The following CCDC91 variants were observed in gnomAD, a reference collection of about 807,000 sequenced individuals.
CCDC91 encodes coiled-coil domain containing 91, also known as coiled-coil domain-containing protein 91.
In CCDC91, 48 loss-of-function variants were observed where a neutral mutation model predicts 63.2. That is an observed-to-expected ratio of 0.76 (90% CI 0.60 to 0.97). The LOEUF (loss-of-function observed/expected upper bound fraction) is 0.97. Among genes scored for constraint, CCDC91 ranks in the 50% least tolerant of loss-of-function variants. The pLI is 0.00. For synonymous variants in CCDC91, 167 were observed against 165.8 expected, an observed-to-expected ratio of 1.01 and a Z score of -0.06; for missense variants, 500 against 494.6, an observed-to-expected ratio of 1.01 and a Z score of -0.10.
intron 1 of CCDC91, among the ~76,000 whole-genome samples, chr12:28,205,088 C>T (rs1049021002): frequency 9.2e-5 from 14 of 151,996 alleles, no homozygotes; most frequent in African/African-American, 1.5e-4. Flanking sequence ...GTTAATGACT[C>T]GGCTAGTCTT....
intron 12 of CCDC91, among the ~76,000 whole-genome samples, chr12:28,494,272 C>A (rs1472272636): frequency 6.6e-6 from 1 of 151,608 alleles, no homozygotes; most frequent in African/African-American, 2.4e-5. Context: ...ACAAGGAAGC[C>A]TCCTTTTTTT....
intron 1 of CCDC91, among the ~76,000 whole-genome samples, chr12:28,250,372 G>C (rs1275794393): frequency 1.3e-5 from 2 of 152,006 alleles, no homozygotes; most frequent in East Asian, 3.8e-4. Flanking sequence ...TGCTTTCTTT[G>C]GACTTGTAAT....
At chr12:28,461,095 GGTAA>G (rs946322829) in intron 11 of CCDC91, among the ~76,000 whole-genome samples, 19 of 151,900 alleles carry the variant, frequency 1.3e-4, no homozygotes, top group South Asian at 2.1e-4. Flanking sequence ...GTAACACAAT[GGTAA>G]GTGTGTATCT....
intron 3 of CCDC91, among the ~76,000 whole-genome samples, chr12:28,261,810 A>G (rs1291618684): frequency 1.3e-5 from 2 of 151,886 alleles, no homozygotes; most frequent in Non-Finnish European, 1.5e-5. Flanking sequence ...CTGGAATTAA[A>G]GGACAAATCA....
intron 8 of CCDC91, among the ~76,000 whole-genome samples, chr12:28,400,032 G>A (rs1392253888): frequency 6.6e-6 from 1 of 152,200 alleles, no homozygotes. Context: ...AGGGGACTGT[G>A]TGTGGGGGCT....
chr12:28,463,971 G>A (rs935539595), intron 11 of CCDC91, among the ~76,000 whole-genome samples: 2 of 152,048 alleles, frequency 1.3e-5, no homozygotes, highest in African/African-American at 4.8e-5. Context: ...TGAAGATGTA[G>A]GCAAAACACT....
At position 28,452,461 on chromosome 12, in the gene CCDC91, C is replaced by G; in HGVS notation, c.925-17C>G. ...TGCAGTCTTTCAAATTTGTTCTGGT[C>G]TTTATTTATTTTGAAGCTTGAAAAA... On this transcript the variant is annotated splice_polypyrimidine_tract_variant and intron_variant, in intron 10 of 12. Coordinates refer to ENST00000536442, the MANE Select transcript of CCDC91 (RefSeq NM_018318.5). 6 of 1,507,158 alleles carry G rather than the reference C, an allele frequency of 4.0e-6. No homozygotes were observed. The highest frequency in any genetic ancestry group is 5.4e-6 in the Non-Finnish European group (6 of 1,109,602). 93.4% of individuals were successfully genotyped at this position (1,507,158 alleles called of 1,614,324 possible). A position where few individuals can be genotyped will look rare whatever the true frequency, so the allele number is the denominator to read the frequency against.
Position 28,484,058 on chromosome 12 carries a change from G to C in CCDC91, c.1108G>C (p.Val370Leu). 6.2e-7 allele frequency: 1 copy of C among 1,608,522 alleles called. No individual in the cohort carries two copies. Among genetic ancestry groups the C allele is most frequent in the Non-Finnish European group, 8.5e-7 (1 of 1,176,906 alleles). Residue 370 changes from valine (V) to leucine (L), a missense_variant, in exon 12 of 13, where the codon GTT (valine) becomes CTT (leucine). Val to Leu is a conservative substitution (Grantham distance 32). Coordinates refer to ENST00000536442, the MANE Select transcript of CCDC91 (RefSeq NM_018318.5). ...QEQRKISQET[V>L]KAAIIEEQKR... ...TGCCTTCTCCCACAAACAGGAAACTGTTAAGGCAGCAATAATAGAAGAGCA... is the reference window on the plus strand; with the variant it reads ...TGCCTTCTCCCACAAACAGGAAACTCTTAAGGCAGCAATAATAGAAGAGCA...
rs374161948 is a variant in CCDC91, at chr12:28,225,575, G to A, written c.-14-31627G>A. The stretch of plus-strand genomic sequence containing the variant: ...AAGTGATTCTCCAGCCTCAGCCTCC[G>A]GAGTAGAGTGGCTTGGATTACAGGC... On this transcript the variant is annotated intron_variant, in intron 1 of 12. Transcript: ENST00000536442. 3.6e-4 allele frequency among the ~76,000 whole-genome samples: 55 copies of A among 151,964 alleles called. 1 individual carries two copies. In the South Asian group the frequency reaches 4.0e-3, roughly 11 times the overall value.
At chr12:28,364,048 C>A (rs1233003264) in intron 7 of CCDC91, among the ~76,000 whole-genome samples, 58 of 150,098 alleles carry the variant, frequency 3.9e-4, no homozygotes, top group African/African-American at 1.4e-3. Context: ...GTGACCATAC[C>A]CAATATAGTA....
At chr12:28,447,316 A>G (rs777427641) in intron 8 of CCDC91, among the ~76,000 whole-genome samples, 1 of 152,234 alleles carries the variant, frequency 6.6e-6, no homozygotes, top group South Asian at 2.1e-4. Flanking sequence ...TACTACTTAT[A>G]TATAAATTCA....
At position 28,339,132 on chromosome 12, in the gene CCDC91, T is replaced by C. The variant is rs146568533; in HGVS notation, c.577-23306T>C. Among the ~76,000 whole-genome samples, 1,402 of 152,248 alleles carry C rather than the reference T, an allele frequency of 9.2e-3. 27 individuals are homozygous for C. The highest frequency in any genetic ancestry group is 0.032 in the African/African-American group (1,332 of 41,542). The stretch of plus-strand genomic sequence containing the variant: ...CTGGGATTACAGGCATGAGCCACCA[T>C]GCCCAACTGGATTCTGGTATATATT... On this transcript the variant is annotated intron_variant, in intron 6 of 12. Coordinates refer to ENST00000536442, the MANE Select transcript of CCDC91 (RefSeq NM_018318.5).
At chr12:28,316,855 C>G (rs1425666090) in intron 6 of CCDC91, among the ~76,000 whole-genome samples, 1 of 151,848 alleles carries the variant, frequency 6.6e-6, no homozygotes, top group African/African-American at 2.4e-5. Context: ...TCTTCTCTCT[C>G]TATTGTCTCT....
In CCDC91 at chr12:28,541,930, A is replaced by C. The variant is rs568127345; in HGVS notation, c.1216-7133A>C. On this transcript the variant is annotated intron_variant, in intron 12 of 12. Coordinates refer to ENST00000536442, the MANE Select transcript of CCDC91 (RefSeq NM_018318.5). ...TATAGCCTTATGGATCAGAACCCCA[A>C]GATAGGATTTCTGTGCAGCTACTAT... Among the ~76,000 whole-genome samples, 52 of 152,250 alleles carry C rather than the reference A, an allele frequency of 3.4e-4. No individual in the cohort carries two copies. The South Asian group carries it at 0.01, about 30-fold the overall frequency.
chr12:28,282,062 G>T (rs556325710), intron 3 of CCDC91, among the ~76,000 whole-genome samples: 1 of 152,102 alleles, frequency 6.6e-6, no homozygotes, highest in East Asian at 1.9e-4. Flanking sequence ...TATATCTCAG[G>T]TAAAAGACAA....
At chr12:28,391,452 C>A in intron 8 of CCDC91, 41 bp downstream of exon 8, 1 of 1,198,576 alleles carries the variant, frequency 8.3e-7, no homozygotes, top group Non-Finnish European at 1.2e-6. Context: ...ATACTTTTCC[C>A]CTGACTCTCT....
intron 8 of CCDC91, among the ~76,000 whole-genome samples, chr12:28,447,489 C>T (rs953148428): frequency 1.3e-5 from 2 of 151,318 alleles, no homozygotes; most frequent in African/African-American, 4.9e-5. Flanking sequence ...TGTATTGAAA[C>T]ACATGGGTTT....
intron 3 of CCDC91, among the ~76,000 whole-genome samples, chr12:28,277,296 A>G (rs968226172): frequency 2.0e-5 from 3 of 152,034 alleles, no homozygotes; most frequent in African/African-American, 4.8e-5. Flanking sequence ...TATTACCTCA[A>G]TTAAATTACA....
At chr12:28,512,132 A>C (rs913876248) in intron 12 of CCDC91, among the ~76,000 whole-genome samples, 8 of 151,834 alleles carry the variant, frequency 5.3e-5, no homozygotes, top group African/African-American at 1.9e-4. Flanking sequence ...TCTATGGTGC[A>C]TTCCTCTGCG....
Sources: gnomAD v4.1 joint callset for allele counts (sites outside exome capture counted in the v4.1 genomes callset) on GRCh38, gnomAD v4.1.1 for gene constraint, MANE v1.5 for transcripts, NCBI Gene and HGNC (gene_info 2026-07-23, HGNC 2026-07-21) for gene names.